FAM227B: variants seen among roughly 807,000 people sequenced by gnomAD.
FAM227B encodes the protein protein FAM227B.
FAM227B carries 88 observed loss-of-function variants against 73.8 expected under a neutral mutation model. The observed-to-expected ratio is 1.19, with a 90% confidence interval of 1.00 to 1.42. The LOEUF is 1.42. Among genes scored for constraint, FAM227B ranks in the 40% most tolerant of loss-of-function variants. The pLI, the probability that FAM227B is intolerant of heterozygous loss-of-function variation, is 0.00. For synonymous variants in FAM227B, 210 were observed against 190.5 expected (o/e 1.10, Z -0.84); for missense variants, 632 against 590.9 (o/e 1.07, Z -0.72).
At chr15:49,616,190 T>C (rs2078277174) in intron 1 of FAM227B, among the ~76,000 whole-genome samples, 1 of 152,146 alleles carries the variant, frequency 6.6e-6, no homozygotes, top group Non-Finnish European at 1.5e-5. Flanking sequence ...TGACTTTATT[T>C]GCAGATGGAG....
In FAM227B at chr15:49,600,622, T is replaced by G. The variant is rs1598476500; in HGVS notation, c.105+10593A>C. On this transcript the variant is annotated intron_variant, in intron 3 of 15. Coordinates refer to ENST00000299338, the MANE Select transcript of FAM227B (RefSeq NM_152647.3). ...GTGAGCTGAGATCGCACCACTGCAC[T>G]CCAGCCTGGGTGACAGAGCAAGACC... Among the ~76,000 whole-genome samples the G allele has an allele frequency of 2.1e-5, 3 of 145,690 alleles. No individual in the cohort carries two copies. The Admixed American group carries it at 2.1e-4, about 10-fold the overall frequency.
At chr15:49,529,055 C>T (rs2060417786) in intron 10 of FAM227B, among the ~76,000 whole-genome samples, 1 of 151,714 alleles carries the variant, frequency 6.6e-6, no homozygotes, top group Non-Finnish European at 1.5e-5. Flanking sequence ...TTCACAATAG[C>T]AAAGTCTTGG....
intron 13 of FAM227B, among the ~76,000 whole-genome samples, chr15:49,351,862 T>C (rs1013527498): frequency 2.0e-5 from 3 of 152,192 alleles, no homozygotes; most frequent in African/African-American, 4.8e-5. Context: ...GTGGGCTAGC[T>C]TGGGAAGGGA....
chr15:49,500,804 C>T (rs1288035708), intron 11 of FAM227B, among the ~76,000 whole-genome samples: 2 of 152,142 alleles, frequency 1.3e-5, no homozygotes, highest in East Asian at 1.9e-4. Context: ...GGGGCAGATC[C>T]CTCAAGAATG....
intron 3 of FAM227B, 108 bp downstream of exon 3, chr15:49,611,107 C>G: frequency 1.5e-6 from 1 of 656,732 alleles, no homozygotes; most frequent in Non-Finnish European, 2.7e-6. Flanking sequence ...CTCATTGAAA[C>G]ATATTTCTGA....
intron 11 of FAM227B, among the ~76,000 whole-genome samples, chr15:49,394,110 G>A (rs1433371291): frequency 6.6e-6 from 1 of 152,160 alleles, no homozygotes; most frequent in Non-Finnish European, 1.5e-5. Flanking sequence ...TGAGTAACAA[G>A]GGGATAGAGA....
At chr15:49,428,794 T>G (rs1190682491) in intron 11 of FAM227B, among the ~76,000 whole-genome samples, 1 of 152,030 alleles carries the variant, frequency 6.6e-6, no homozygotes, top group Non-Finnish European at 1.5e-5. Context: ...TTGATTATAA[T>G]GAAGCACTGT....
At chr15:49,547,569 A>G (rs1237174255) in intron 9 of FAM227B, among the ~76,000 whole-genome samples, 2 of 152,204 alleles carry the variant, frequency 1.3e-5, no homozygotes, top group Non-Finnish European at 2.9e-5. Context: ...GGCTCAAAAT[A>G]AAGGGATGGA....
chr15:49,505,932 T>C (rs538337818), intron 11 of FAM227B, among the ~76,000 whole-genome samples: 16 of 151,900 alleles, frequency 1.1e-4, no homozygotes, highest in Admixed American at 5.2e-4. Flanking sequence ...ATATGTAAAA[T>C]GATGAGAAAA....
intron 10 of FAM227B, among the ~76,000 whole-genome samples, chr15:49,540,211 G>C (rs1467078454): frequency 6.6e-6 from 1 of 152,180 alleles, no homozygotes; most frequent in Non-Finnish European, 1.5e-5. Flanking sequence ...TGCAGGGAGT[G>C]TGTGGCTGCC....
chr15:49,346,723 T>G (rs899864204), intron 13 of FAM227B, among the ~76,000 whole-genome samples: 7 of 152,088 alleles, frequency 4.6e-5, no homozygotes, highest in African/African-American at 1.4e-4. Flanking sequence ...AAGTGCCCAT[T>G]ATACACATAA....
intron 11 of FAM227B, among the ~76,000 whole-genome samples, chr15:49,461,749 C>T (rs2053818229): frequency 6.6e-6 from 1 of 152,104 alleles, no homozygotes; most frequent in African/African-American, 2.4e-5. Context: ...TAAAGAGATA[C>T]CATGTGAAAT....
intron 11 of FAM227B, among the ~76,000 whole-genome samples, chr15:49,384,198 A>C (rs1277826505): frequency 6.6e-6 from 1 of 152,112 alleles, no homozygotes; most frequent in Non-Finnish European, 1.5e-5. Flanking sequence ...CCTCATTTTA[A>C]CATCCATTAC....
intron 11 of FAM227B, chr15:49,422,792 C>A (rs2049799897): frequency 7.8e-7 from 1 of 1,285,918 alleles, no homozygotes; most frequent in Non-Finnish European, 1.1e-6. Context: ...TAATATTCAA[C>A]TTATCTACAC....
chr15:49,428,647 G>C (rs932350156), intron 11 of FAM227B, among the ~76,000 whole-genome samples: 4 of 151,978 alleles, frequency 2.6e-5, no homozygotes, highest in African/African-American at 9.7e-5. Context: ...TTGAGAGACA[G>C]ATGTGGAAGA....
intron 4 of FAM227B, 63 bp downstream of exon 4, chr15:49,589,713 G>A: frequency 9.4e-7 from 1 of 1,063,734 alleles, no homozygotes; most frequent in South Asian, 1.4e-5. Context: ...AAGATTTGGA[G>A]ACCAGCCTGG....
At chr15:49,521,879 G>A (rs1432532711) in intron 10 of FAM227B, among the ~76,000 whole-genome samples, 3 of 152,082 alleles carry the variant, frequency 2.0e-5, no homozygotes, top group Non-Finnish European at 4.4e-5. Flanking sequence ...CTCCACCCCA[G>A]ACCTCAGCAC....
At chr15:49,347,677 A>C (rs1370859100) in intron 13 of FAM227B, among the ~76,000 whole-genome samples, 1 of 152,178 alleles carries the variant, frequency 6.6e-6, no homozygotes, top group African/African-American at 2.4e-5. Flanking sequence ...TACTTTGTTA[A>C]AGAAGTCAGA....
chr15:49,397,485 G>A (rs1382920952), intron 11 of FAM227B, among the ~76,000 whole-genome samples: 1 of 151,860 alleles, frequency 6.6e-6, no homozygotes, highest in Non-Finnish European at 1.5e-5. Context: ...TCAGATTCAG[G>A]AAATACAGAG....
Sources: allele counts gnomAD v4.1 joint callset (sites outside exome capture counted in the v4.1 genomes callset), GRCh38; gene constraint gnomAD v4.1.1; transcripts MANE v1.5; gene names NCBI Gene and HGNC (gene_info 2026-07-23, HGNC 2026-07-21).